Variants in SCARF1 observed in about 807,000 individuals in gnomAD.
SCARF1 encodes the protein acetyl LDL receptor.
Under a neutral mutation model 76.3 loss-of-function variants are expected in SCARF1, and 49 were observed. That is an observed-to-expected ratio of 0.64 (90% confidence interval 0.51 to 0.81). The LOEUF is 0.81. Ranked by LOEUF, SCARF1 falls within the 40% of genes least tolerant of loss-of-function variation. The pLI is 0.00. For synonymous variants in SCARF1, 495 were observed against 474.6 expected (o/e 1.04, Z -0.56); for missense variants, 1,098 against 1,143.9 (o/e 0.96, Z 0.58).
intron 8 of SCARF1, among the ~76,000 whole-genome samples, chr17:1,637,354 A>T (rs1361506939): frequency 6.7e-6 from 1 of 150,076 alleles, no homozygotes; most frequent in Non-Finnish European, 1.5e-5. Context: ...CTATCTATCT[A>T]TCTATCTATC....
intron 10 of SCARF1, 77 bp from the exon 11 acceptor site, chr17:1,635,694 T>C: frequency 5.4e-6 from 8 of 1,474,742 alleles, no homozygotes; most frequent in Non-Finnish European, 6.3e-6. Context: ...CTCAGCATCT[T>C]CCAGGAGGCC....
At chr17:1,637,502 C>T (rs548578449) in intron 8 of SCARF1, among the ~76,000 whole-genome samples, 1 of 152,174 alleles carries the variant, frequency 6.6e-6, no homozygotes, top group Admixed American at 6.5e-5. Context: ...GACAGAGTCT[C>T]GCTTTTGTTG....
chr17:1,638,953 T>G lies in SCARF1; in HGVS notation c.1244-27A>C, dbSNP rs759605382. ...TGGGGGAGCCAGAAACGGGGGATATTCAGGCCTTCCTGTCTCCTACACATC... is the reference window on the plus strand; with the variant it reads ...TGGGGGAGCCAGAAACGGGGGATATGCAGGCCTTCCTGTCTCCTACACATC... On this transcript the variant is annotated intron_variant, in intron 7 of 10. Coordinates refer to ENST00000263071, the MANE Select transcript of SCARF1 (RefSeq NM_003693.4). 13 of 1,563,648 alleles carry G rather than the reference T, an allele frequency of 8.3e-6. No individual in the cohort carries two copies. The South Asian group carries it at 1.3e-4, about 16-fold the overall frequency.
At chr17:1,636,522 G>A (rs913575405) in intron 10 of SCARF1, among the ~76,000 whole-genome samples, 187 bp downstream of exon 10, 51 of 152,174 alleles carry the variant, frequency 3.4e-4, no homozygotes, top group African/African-American at 1.2e-3. Context: ...CTGAGGCAGG[G>A]GAATCACTTG....
intron 7 of SCARF1, among the ~76,000 whole-genome samples, chr17:1,639,384 A>G (rs1338815781): frequency 6.6e-6 from 1 of 152,138 alleles, no homozygotes; most frequent in Non-Finnish European, 1.5e-5. Context: ...GTGCGCCTGT[A>G]ATCCCAGCTA....
At chr17:1,639,584 G>A (rs1198122261) in intron 7 of SCARF1, 55 bp downstream of exon 7, 2 of 1,296,226 alleles carry the variant, frequency 1.5e-6, no homozygotes, top group Admixed American at 2.0e-5. Context: ...TGGAGCCCAT[G>A]TGAAGGGCCC....
At chr17:1,641,087 C>A (rs775876206) in intron 4 of SCARF1, among the ~76,000 whole-genome samples, 2 of 152,144 alleles carry the variant, frequency 1.3e-5, no homozygotes, top group East Asian at 3.9e-4. Flanking sequence ...CCCCATCACA[C>A]GAAATGCAAA....
rs1428603983 is a variant in SCARF1 at position 1,635,343 on chromosome 17, T to G, written c.1908A>C (p.Thr636=). The G allele has an allele frequency of 6.2e-7, 1 of 1,613,204 alleles. No homozygotes were observed. Among genetic ancestry groups the G allele is most frequent in the Non-Finnish European group, 8.5e-7 (1 of 1,179,558 alleles). Residue 636 remains threonine, a synonymous_variant, in exon 11 of 11, where the codon ACA becomes ACC. Transcript: ENST00000263071. ...CGGGGGCTTCTGCTTCCTCTGGGCC[T>G]GTGGACTCTTCGGCTTCCCGGCCCT... ...GPEGREAEES[T]GPEEAEAPES...
chr17:1,634,859 C>T lies in SCARF1; in HGVS notation c.2392G>A (p.Gly798Ser). The T allele has an allele frequency of 6.2e-7, 1 of 1,614,068 alleles. No individual in the cohort carries two copies. ...TTCTGGGGATCCTGTTCTGGGGAGC[C>T]ACAGCCAGAGACTGGCTCCTGGGCT... ...RRAQEPVSGC[G>S]SPEQDPQKQA... Residue 798 changes from glycine (G) to serine (S), a missense_variant, in exon 11 of 11, where the codon GGC becomes AGC. By Grantham distance (56) the Gly-to-Ser change is moderately conservative. Coordinates refer to ENST00000263071, the MANE Select transcript of SCARF1 (RefSeq NM_003693.4).
In SCARF1 at chr17:1,643,564, G is replaced by C. The variant is rs1164351540; in HGVS notation, c.669C>G (p.Cys223Trp). The stretch of plus-strand genomic sequence containing the variant: ...CGCTGCAGCGGCCCCGCACACACTC[G>C]CACTGCTGCTGGCATTCGGGACCCC... ...GWWGPECQQQ[C>W]ECVRGRCSAA... Residue 223 changes from cysteine to tryptophan, a missense_variant, in exon 4 of 11, where the codon TGC (cysteine) becomes TGG (tryptophan). Transcript: ENST00000263071. 1 of 1,472,206 alleles carries C rather than the reference G, an allele frequency of 6.8e-7. No individual in the cohort carries two copies. The highest frequency in any genetic ancestry group is 3.0e-5 in the East Asian group (1 of 33,488). 91.2% of individuals were successfully genotyped at this position (1,472,206 alleles called of 1,614,324 possible).
Position 1,645,237 on chromosome 17 carries a change from G to A in SCARF1, c.104C>T (p.Pro35Leu). Reference sequence around the variant, plus strand: ...TGCGCAGCACTGCAGCTCAGCAGAGGGGCTGTGGGGCAAAAAGGGGTCAGC... The same window carrying A: ...TGCGCAGCACTGCAGCTCAGCAGAGAGGCTGTGGGGCAAAAAGGGGTCAGC... ...KGQHVCVASS[P>L]SAELQCCAGW... The change falls in exon 2 of 11, where the codon CCC (proline) becomes CTC (leucine). Residue 35 changes from proline to leucine, a missense_variant and splice_region_variant. Coordinates refer to ENST00000263071, the MANE Select transcript of SCARF1 (RefSeq NM_003693.4). The surrounding 1 kb of genome is among the most constrained non-coding windows in gnomAD (Gnocchi z 6.3). 3 of 1,613,158 alleles carry A rather than the reference G, an allele frequency of 1.9e-6. No homozygotes were observed. Among genetic ancestry groups the A allele is most frequent in the Non-Finnish European group, 2.5e-6 (3 of 1,179,948 alleles).
Position 1,636,975 on chromosome 17 carries a change from A to C in SCARF1, c.1452T>G (p.Arg484=), listed in dbSNP as rs757160978. 4 of 1,613,790 alleles carry C rather than the reference A, an allele frequency of 2.5e-6. No homozygotes were observed. In the South Asian group the frequency reaches 4.4e-5, roughly 18 times the overall value. ...AGGGTAGCTTGTGGGAGCTGAGGGA[A>C]CGGCAGGGCAGCGTGGAGCCCAAGC... is the stretch of plus-strand genomic sequence containing the variant. The part of the protein sequence containing the change: ...LTSLGSTLPC[R]SLSSHKLPWV... Residue 484 remains arginine, a synonymous_variant, in exon 9 of 11, where the codon CGT becomes CGG. Transcript: ENST00000263071.
chr17:1,645,344 C>G lies in SCARF1; in HGVS notation c.102-105G>C, dbSNP rs1910448656. 4 of 1,467,776 alleles carry G rather than the reference C, an allele frequency of 2.7e-6. No homozygotes were observed. Among genetic ancestry groups the G allele is most frequent in the Non-Finnish European group, 2.8e-6 (3 of 1,079,858 alleles). The allele number at this position is 1,467,776 out of a possible 1,614,324, so 90.9% of individuals were successfully genotyped here. ...TGCAGTGGGGGAGGCTGCCTTAGCC[C>G]CCTGGGGAGGCCTAATGGATCTTTA... On this transcript the variant is annotated intron_variant, in intron 1 of 10. Transcript: ENST00000263071. This position sits in a 1 kb window ranked among gnomAD's most constrained non-coding sequence, Gnocchi z 6.3.
chr17:1,634,715 A>G lies in SCARF1; in HGVS notation c.*43T>C, dbSNP rs1420345323. ...GGGATCATTTTCCAGCACACAGCAC[A>G]GTCTAGTCCATCCACTCTCCCCACT... is the stretch of plus-strand genomic sequence containing the variant. On this transcript the variant is annotated 3_prime_UTR_variant, in exon 11 of 11. Transcript: ENST00000263071. 1 of 1,533,060 alleles carries G rather than the reference A, an allele frequency of 6.5e-7. No individual in the cohort carries two copies. Among genetic ancestry groups the G allele is most frequent in the East Asian group, 2.3e-5 (1 of 43,974 alleles). 95.0% of individuals were successfully genotyped at this position (1,533,060 alleles called of 1,614,324 possible).
chr17:1,645,636 T>C lies in SCARF1; in HGVS notation c.62A>G (p.Glu21Gly). The change falls in exon 1 of 11, where the codon GAG (glutamate) becomes GGG (glycine). Residue 21 changes from glutamate (E) to glycine (G), a missense_variant. Physicochemically the swap from Glu to Gly is moderately conservative, Grantham distance 98. Coordinates refer to ENST00000263071, the MANE Select transcript of SCARF1 (RefSeq NM_003693.4). The surrounding 1 kb of genome is among the most constrained non-coding windows in gnomAD (Gnocchi z 6.3). ...GACGTGCTGCCCTTTGGGGTCCAGCTCGGACCCCTGAGTCCCCCGAGTCCA... is the reference window on the plus strand; with the variant it reads ...GACGTGCTGCCCTTTGGGGTCCAGCCCGGACCCCTGAGTCCCCCGAGTCCA... Reference protein sequence around the residue: ...LLWTRGTQGSELDPKGQHVCV... With the variant: ...LLWTRGTQGSGLDPKGQHVCV... 8 of 1,607,792 alleles carry C rather than the reference T, an allele frequency of 5.0e-6. No individual in the cohort carries two copies. Among genetic ancestry groups the C allele is most frequent in the Non-Finnish European group, 5.9e-6 (7 of 1,179,266 alleles).
At chr17:1,636,199 C>A (rs1909544167) in intron 10 of SCARF1, among the ~76,000 whole-genome samples, 1 of 152,216 alleles carries the variant, frequency 6.6e-6, no homozygotes, top group African/African-American at 2.4e-5. Flanking sequence ...GTATGTCCCC[C>A]ATGGAAACAC....
chr17:1,645,458 C>A lies in SCARF1; in HGVS notation c.101+139G>T. ...CCACTACCTGCCAGACCGCCATCAG[C>A]AGTCCCTTCCTTTCAGCCTAAGCCC... On this transcript the variant is annotated intron_variant, in intron 1 of 10. Transcript: ENST00000263071. This position sits in a 1 kb window ranked among gnomAD's most constrained non-coding sequence, Gnocchi z 6.3. The A allele has an allele frequency of 1.3e-6, 2 of 1,519,472 alleles. No individual in the cohort carries two copies. Among genetic ancestry groups the A allele is most frequent in the Non-Finnish European group, 1.8e-6 (2 of 1,137,928 alleles). 94.1% of individuals were successfully genotyped at this position (1,519,472 alleles called of 1,614,324 possible).
chr17:1,635,323 G>C lies in SCARF1; in HGVS notation c.1928C>G (p.Ala643Gly), dbSNP rs772880874. 1 of 1,612,502 alleles carries C rather than the reference G, an allele frequency of 6.2e-7. No individual in the cohort carries two copies. The highest frequency in any genetic ancestry group is 8.5e-7 in the Non-Finnish European group (1 of 1,179,388). The change falls in exon 11 of 11, where the codon GCC (alanine) becomes GGC (glycine). Residue 643 changes from alanine (A) to glycine (G), a missense_variant. Ala to Gly is a moderately conservative substitution (Grantham distance 60). Transcript: ENST00000263071. ...EESTGPEEAE[A>G]PESFPAAASP... ...GGCAGCCGCCGGAAAGGACTCGGGG[G>C]CTTCTGCTTCCTCTGGGCCTGTGGA... is the stretch of plus-strand genomic sequence containing the variant.
Position 1,644,921 on chromosome 17 carries a change from G to GC in SCARF1, c.177dup (p.Pro60AlafsTer42). On this transcript the variant is annotated frameshift_variant, in exon 3 of 11. Transcript: ENST00000263071. LOFTEE classifies it high-confidence loss of function. The surrounding 1 kb of genome is among the most constrained non-coding windows in gnomAD (Gnocchi z 4.8). ...ACCTCGTCTTTCTGGCAGGCGTCCGGCCCCTCACAGATGGCTGAAAGACAC... is the reference window on the plus strand; with the variant it reads ...ACCTCGTCTTTCTGGCAGGCGTCCGGCCCCCTCACAGATGGCTGAAAGACAC... The GC allele has an allele frequency of 6.2e-7, 1 of 1,613,080 alleles. No homozygotes were observed. Among genetic ancestry groups the GC allele is most frequent in the Non-Finnish European group, 8.5e-7 (1 of 1,179,846 alleles).
Sources: allele counts gnomAD v4.1 joint callset (sites outside exome capture counted in the v4.1 genomes callset), GRCh38; gene constraint gnomAD v4.1.1; non-coding constraint Gnocchi (gnomAD v3.1); transcripts MANE v1.5; gene names NCBI Gene and HGNC (gene_info 2026-07-23, HGNC 2026-07-21).